The following FAM174B variants were observed in gnomAD, a reference collection of about 807,000 sequenced individuals.
FAM174B encodes family with sequence similarity 174 member B.
FAM174B carries 12 observed loss-of-function variants against 10.9 expected under a neutral mutation model. The observed-to-expected ratio is 1.10, with a 90% CI of 0.71 to 1.79. FAM174B has a LOEUF of 1.79. FAM174B is among the 40% of genes most tolerant of loss of function. FAM174B has a pLI of 0.00. For missense variants in FAM174B, 266 were observed against 233.3 expected (o/e 1.14, Z -0.91); for synonymous variants, 132 against 115.8 (o/e 1.14, Z -0.90).
At chr15:92,650,732 C>T (rs917441671) in intron 1 of FAM174B, among the ~76,000 whole-genome samples, 1 of 152,120 alleles carries the variant, frequency 6.6e-6, no homozygotes, top group Non-Finnish European at 1.5e-5. Context: ...TGCAACATCA[C>T]CAGTTGTTTC....
intron 1 of FAM174B, among the ~76,000 whole-genome samples, chr15:92,650,277 G>C (rs1217768061): frequency 6.6e-6 from 1 of 152,182 alleles, no homozygotes; most frequent in Non-Finnish European, 1.5e-5. Context: ...AATTAACAAA[G>C]CATCTGTGGT....
intron 1 of FAM174B, among the ~76,000 whole-genome samples, chr15:92,644,064 G>T (rs1361540594): frequency 6.6e-6 from 1 of 151,984 alleles, no homozygotes. Context: ...CTCCTCCTCA[G>T]GACATAAGAA....
chr15:92,624,627 C>T (rs75722350), intron 2 of FAM174B, among the ~76,000 whole-genome samples: 8,110 of 152,338 alleles, frequency 0.053, 526 homozygotes, highest in East Asian at 0.26. Flanking sequence ...CGCAGCATTA[C>T]AGTGGAAATC....
intron 1 of FAM174B, among the ~76,000 whole-genome samples, chr15:92,651,238 G>A (rs2050964414): frequency 6.6e-6 from 1 of 152,150 alleles, no homozygotes. Context: ...CCTGCTCAAG[G>A]AAATCAAGAA....
rs1378112328 is a variant in FAM174B at position 92,649,822 on chromosome 15, A to G, written c.344+5494T>C. Among the ~76,000 whole-genome samples, 3 of 152,220 alleles carry G rather than the reference A, an allele frequency of 2.0e-5. No individual in the cohort carries two copies. The East Asian group carries it at 5.8e-4, about 29-fold the overall frequency. ...GCTTGCTCTCTACTCTCTTTTTTAAAGAATCTGGATTTTGGCTGTATCCGA... is the reference window on the plus strand; with the variant it reads ...GCTTGCTCTCTACTCTCTTTTTTAAGGAATCTGGATTTTGGCTGTATCCGA... On this transcript the variant is annotated intron_variant, in intron 1 of 2. Coordinates refer to ENST00000327355, the MANE Select transcript of FAM174B (RefSeq NM_207446.3).
chr15:92,622,464 G>A (rs1478397974), intron 2 of FAM174B, among the ~76,000 whole-genome samples: 1 of 152,226 alleles, frequency 6.6e-6, no homozygotes, highest in Non-Finnish European at 1.5e-5. Context: ...CTGGCACTCA[G>A]GAACAATACT....
chr15:92,645,751 C>T (rs949947780), intron 1 of FAM174B, among the ~76,000 whole-genome samples: 15 of 152,148 alleles, frequency 9.9e-5, no homozygotes, highest in Non-Finnish European at 1.8e-4. Flanking sequence ...GGGGACCTGA[C>T]CACCACCTGG....
intron 1 of FAM174B, among the ~76,000 whole-genome samples, chr15:92,648,325 C>T (rs990964050): frequency 1.3e-5 from 2 of 152,188 alleles, no homozygotes; most frequent in Non-Finnish European, 2.9e-5. Context: ...AGGGCATTAT[C>T]CTATGCCTTA....
chr15:92,655,692 C>A lies in FAM174B; in HGVS notation c.-33G>T. 1 of 1,235,982 alleles carries A rather than the reference C, an allele frequency of 8.1e-7. No individual in the cohort carries two copies. The highest frequency in any genetic ancestry group is 1.0e-6 in the Non-Finnish European group (1 of 990,136). 76.6% of individuals were successfully genotyped at this position (1,235,982 alleles called of 1,614,324 possible). A position where few individuals can be genotyped will look rare whatever the true frequency, so the allele number is the denominator to read the frequency against. On this transcript the variant is annotated 5_prime_UTR_variant, in exon 1 of 3. Transcript: ENST00000327355. ...TGGGTCGGCACAGGATCGGGCAGGG[C>A]GCGCGCGGCTGAGCTCCAGGATCCG...
intron 1 of FAM174B, among the ~76,000 whole-genome samples, chr15:92,653,517 G>A (rs978354665): frequency 2.6e-5 from 4 of 152,266 alleles, no homozygotes; most frequent in East Asian, 1.9e-4. Context: ...AGATGACAAT[G>A]GCACCTCTGC....
At chr15:92,632,294 T>C (rs187732208) in intron 1 of FAM174B, among the ~76,000 whole-genome samples, 141 of 152,254 alleles carry the variant, frequency 9.3e-4, no homozygotes, top group African/African-American at 3.3e-3. Context: ...CCTGTAATCC[T>C]AGCACTTTGG....
chr15:92,639,321 C>T lies in FAM174B; in HGVS notation c.345-8976G>A, dbSNP rs1015436427. 2.0e-5 allele frequency: 3 copies of T among 152,118 alleles called. No individual in the cohort carries two copies. The East Asian group carries it at 5.8e-4, about 29-fold the overall frequency. The allele number at this position is 152,118 out of a possible 1,614,324, so 9.4% of individuals were successfully genotyped here. A position where few individuals can be genotyped will look rare whatever the true frequency, so the allele number is the denominator to read the frequency against. On this transcript the variant is annotated intron_variant, in intron 1 of 2. Transcript: ENST00000327355. Reference sequence around the variant, plus strand: ...TCAACAGAAGGAGGGCACGCTGCGCCTCTGACTAGGAAGTTTCAATCTCAT... The same window carrying T: ...TCAACAGAAGGAGGGCACGCTGCGCTTCTGACTAGGAAGTTTCAATCTCAT...
rs1317672425 is a variant in FAM174B, at chr15:92,631,427, A to T, written c.345-1082T>A. On this transcript the variant is annotated intron_variant, in intron 1 of 2. Transcript: ENST00000327355. Reference sequence around the variant, plus strand: ...ATATTATATATAATATATAATATATAATATAATATATTATATATATAACAT... The same window carrying T: ...ATATTATATATAATATATAATATATTATATAATATATTATATATATAACAT... Among the ~76,000 whole-genome samples, 43 of 45,334 alleles carry T rather than the reference A, an allele frequency of 9.5e-4. 1 individual carries two copies. The highest frequency in any genetic ancestry group is 3.5e-3 in the East Asian group (9 of 2,596). The allele number at this position is 45,334 out of a possible 152,430, so 29.7% of individuals were successfully genotyped here. A position where few individuals can be genotyped will look rare whatever the true frequency, so the allele number is the denominator to read the frequency against.
In FAM174B at chr15:92,644,079, C is replaced by T. The variant is rs892263483; in HGVS notation, c.344+11237G>A. ...CTCCTCCTCAGGACATAAGAAGTAA[C>T]AGAGCTTCCCCCAGAAAACCAGCTA... On this transcript the variant is annotated intron_variant, in intron 1 of 2. Transcript: ENST00000327355. 2.6e-5 allele frequency among the ~76,000 whole-genome samples: 4 copies of T among 152,186 alleles called. No individual in the cohort carries two copies. In the South Asian group the frequency reaches 8.3e-4, roughly 32 times the overall value.
chr15:92,624,051 G>T (rs1015190466), intron 2 of FAM174B, among the ~76,000 whole-genome samples: 1 of 151,900 alleles, frequency 6.6e-6, no homozygotes, highest in African/African-American at 2.4e-5. Context: ...AATTTTTAAG[G>T]TGCCCTGGCT....
intron 1 of FAM174B, among the ~76,000 whole-genome samples, chr15:92,640,537 G>GT (rs1192279445): frequency 5.7e-5 from 5 of 86,972 alleles, no homozygotes; most frequent in Non-Finnish European, 1.0e-4. Context: ...GGATGACAAA[G>GT]TGAGACTCCA....
rs1167228613 is a variant in FAM174B, at chr15:92,630,809, A to T, written c.345-464T>A. ...ATATTACATATTACATATTATATAT[A>T]TTTTATATATTACATATTATATATT... On this transcript the variant is annotated intron_variant, in intron 1 of 2. Coordinates refer to ENST00000327355, the MANE Select transcript of FAM174B (RefSeq NM_207446.3). Among the ~76,000 whole-genome samples, 167 of 30,216 alleles carry T rather than the reference A, an allele frequency of 5.5e-3. 3 individuals are homozygous for T. Among genetic ancestry groups the T allele is most frequent in the Non-Finnish European group, 0.012 (94 of 7,604 alleles). The allele number at this position is 30,216 out of a possible 152,430, so 19.8% of individuals were successfully genotyped here. A position where few individuals can be genotyped will look rare whatever the true frequency, so the allele number is the denominator to read the frequency against.
chr15:92,641,062 T>TCACA lies in FAM174B; in HGVS notation c.345-10721_345-10718dup, dbSNP rs35507479. Among the ~76,000 whole-genome samples, 440 of 149,902 alleles carry TCACA rather than the reference T, an allele frequency of 2.9e-3. 1 individual carries two copies. The highest frequency in any genetic ancestry group is 6.8e-3 in the Admixed American group (103 of 15,042). On this transcript the variant is annotated intron_variant, in intron 1 of 2. Transcript: ENST00000327355. Reference sequence around the variant, plus strand: ...TGGTAAAGAACATAACACAGGCAGTTCACACACACACACACACACACAAAC... The same window carrying TCACA: ...TGGTAAAGAACATAACACAGGCAGTTCACACACACACACACACACACACACAAAC...
intron 2 of FAM174B, among the ~76,000 whole-genome samples, chr15:92,627,866 G>T (rs1410917227): frequency 2.5e-4 from 38 of 152,316 alleles, no homozygotes; most frequent in Admixed American, 2.2e-3. Flanking sequence ...TGTATTGAAT[G>T]TGAGACAGAT....
Sources: allele counts gnomAD v4.1 joint callset (sites outside exome capture counted in the v4.1 genomes callset), GRCh38; gene constraint gnomAD v4.1.1; transcripts MANE v1.5; gene names NCBI Gene and HGNC (gene_info 2026-07-23, HGNC 2026-07-21).